The following CCNDBP1 variants were observed in gnomAD, a reference collection of about 807,000 sequenced individuals.
The protein encoded by CCNDBP1 is cyclin-D1-binding protein 1.
Under a neutral mutation model 46.2 loss-of-function variants are expected in CCNDBP1, and 45 were observed. The ratio of observed to expected loss-of-function variants is 0.97; its 90% CI spans 0.77 to 1.25. CCNDBP1 has a LOEUF of 1.25. CCNDBP1 is among the 50% of genes most tolerant of loss of function. The probability of loss-of-function intolerance (pLI) is 0.00; values close to 1 mark genes in which losing one functional copy is unlikely to be tolerated. For missense variants in CCNDBP1, 436 were observed against 442.1 expected, an observed-to-expected ratio of 0.99 and a Z score of 0.12; for synonymous variants, 154 against 163.6, an observed-to-expected ratio of 0.94 and a Z score of 0.45.
chr15:43,185,810 CA>C lies in CCNDBP1; in HGVS notation c.110-9del, dbSNP rs2041812156. ...GCCACCGTTCGGCCCCCACACGCCA[CA>C]CCCACAAGTCGGCGAAGCCCAGGAG... On this transcript the variant is annotated splice_polypyrimidine_tract_variant and intron_variant, in intron 1 of 10. Transcript: ENST00000300213. 1 of 1,610,224 alleles carries C rather than the reference CA, an allele frequency of 6.2e-7. No individual in the cohort carries two copies. The highest frequency in any genetic ancestry group is 8.5e-7 in the Non-Finnish European group (1 of 1,179,858).
chr15:43,193,966 T>C (rs998838515), intron 9 of CCNDBP1: 8 of 299,836 alleles, frequency 2.7e-5, no homozygotes, highest in Non-Finnish European at 5.1e-5. Flanking sequence ...GTACTGCATA[T>C]GCATCTTATA....
intron 7 of CCNDBP1, 95 bp from the exon 8 acceptor site, chr15:43,191,300 G>T: frequency 7.6e-7 from 1 of 1,320,106 alleles, no homozygotes; most frequent in Non-Finnish European, 1.0e-6. Flanking sequence ...AAGATTTTTG[G>T]ACAACTAAGA....
chr15:43,189,421 T>G lies in CCNDBP1; in HGVS notation c.331+141T>G, dbSNP rs114395814. The G allele has an allele frequency of 2.4e-3, 1,321 of 554,030 alleles. 19 individuals carry two copies. The highest frequency in any genetic ancestry group is 0.023 in the African/African-American group (1,186 of 51,782). 34.3% of individuals were successfully genotyped at this position (554,030 alleles called of 1,614,324 possible). A position where few individuals can be genotyped will look rare whatever the true frequency, so the allele number is the denominator to read the frequency against. On this transcript the variant is annotated intron_variant, in intron 4 of 10. Transcript: ENST00000300213. Reference sequence around the variant, plus strand: ...GTGAAGGATAATTTTGTAATGTAAGTGACTTATATAAACAAGCCATTATTC... The same window carrying G: ...GTGAAGGATAATTTTGTAATGTAAGGGACTTATATAAACAAGCCATTATTC...
At position 43,195,641 on chromosome 15, in the gene CCNDBP1, T is replaced by G. The variant is rs2042029881; in HGVS notation, c.*800T>G. The stretch of plus-strand genomic sequence containing the variant: ...ATCCTTTTGCAAAACCATCACCACT[T>G]AATTATACTTTTGCATCAGTCTAGA... On this transcript the variant is annotated 3_prime_UTR_variant, in exon 11 of 11. Transcript: ENST00000300213. 2.6e-5 allele frequency: 4 copies of G among 152,230 alleles called. No individual in the cohort carries two copies. The highest frequency in any genetic ancestry group is 2.6e-4 in the Admixed American group (4 of 15,284). The allele number at this position is 152,230 out of a possible 1,614,324, so 9.4% of individuals were successfully genotyped here. A position where few individuals can be genotyped will look rare whatever the true frequency, so the allele number is the denominator to read the frequency against.
Position 43,185,410 on chromosome 15 carries a change from C to A in CCNDBP1, c.-89C>A. The A allele has an allele frequency of 1.9e-6, 2 of 1,048,216 alleles. No individual in the cohort carries two copies. The highest frequency in any genetic ancestry group is 1.4e-6 in the Non-Finnish European group (1 of 702,222). 64.9% of individuals were successfully genotyped at this position (1,048,216 alleles called of 1,614,324 possible). Reference sequence around the variant, plus strand: ...TGTTGACGGAAACGAGCCCTTGACGCTGTGGCCCGGAAGTGGAGCGGCTGT... The same window carrying A: ...TGTTGACGGAAACGAGCCCTTGACGATGTGGCCCGGAAGTGGAGCGGCTGT... On this transcript the variant is annotated 5_prime_UTR_variant, in exon 1 of 11. It adds an upstream start codon to the 5' untranslated region. Transcript: ENST00000300213.
At chr15:43,185,966 A>T (rs940756047) in intron 2 of CCNDBP1, 87 bp downstream of exon 2, 7 of 1,355,312 alleles carry the variant, frequency 5.2e-6, no homozygotes, top group African/African-American at 4.3e-5. Context: ...CACGGAGGGG[A>T]CTGCTCTCCC....
intron 4 of CCNDBP1, 177 bp downstream of exon 4, chr15:43,189,457 A>C (rs2041914062): frequency 1.9e-6 from 1 of 518,390 alleles, no homozygotes; most frequent in Non-Finnish European, 3.4e-6. Flanking sequence ...TAAGATACAG[A>C]TGCTTTGTTC....
intron 10 of CCNDBP1, 64 bp from the exon 11 acceptor site, chr15:43,194,663 G>A: frequency 6.1e-6 from 8 of 1,307,984 alleles, no homozygotes. Context: ...GCTCCCTCCT[G>A]AGGATAGGTT....
In CCNDBP1 at chr15:43,190,982, T is replaced by C; in HGVS notation, c.519T>C (p.Ala173=). ...CACTCATAGATAACAAAGCTGCAGC[T>C]CTTTTGATGCTGACCAAGAATGTGG... ...PQIPRDNKAA[A]LLMLTKNVDF... The change falls in exon 7 of 11, where the codon GCT becomes GCC. Residue 173 remains alanine (A), a synonymous_variant. Transcript: ENST00000300213. 1 of 1,614,040 alleles carries C rather than the reference T, an allele frequency of 6.2e-7. No individual in the cohort carries two copies.
intron 9 of CCNDBP1, among the ~76,000 whole-genome samples, chr15:43,193,823 G>A (rs1412778615): frequency 6.6e-6 from 1 of 152,062 alleles, no homozygotes; most frequent in Admixed American, 6.6e-5. Flanking sequence ...AAGTAGAATA[G>A]GATCCTTTTG....
chr15:43,185,468 C>T lies in CCNDBP1; in HGVS notation c.-31C>T. 2 of 1,524,124 alleles carry T rather than the reference C, an allele frequency of 1.3e-6. No homozygotes were observed. Among genetic ancestry groups the T allele is most frequent in the Non-Finnish European group, 1.8e-6 (2 of 1,126,400 alleles). The allele number at this position is 1,524,124 out of a possible 1,614,324, so 94.4% of individuals were successfully genotyped here. Reference sequence around the variant, plus strand: ...CGGCTCCGGCAGTGGCAGCGGAGGCCTGTGTTTGCGGCCTTCGGCAAGCGA... The same window carrying T: ...CGGCTCCGGCAGTGGCAGCGGAGGCTTGTGTTTGCGGCCTTCGGCAAGCGA... On this transcript the variant is annotated 5_prime_UTR_variant, in exon 1 of 11. Transcript: ENST00000300213.
intron 9 of CCNDBP1, chr15:43,193,284 C>T (rs1211492620): frequency 7.8e-6 from 1 of 127,580 alleles, no homozygotes; most frequent in Non-Finnish European, 1.5e-5. Context: ...AGTGAGCCGA[C>T]ATCGCGCCAC....
chr15:43,194,850 G>A lies in CCNDBP1; in HGVS notation c.*9G>A, dbSNP rs1274495468. On this transcript the variant is annotated 3_prime_UTR_variant, in exon 11 of 11. Coordinates refer to ENST00000300213, the MANE Select transcript of CCNDBP1 (RefSeq NM_012142.5). ...GTGAACTTGAATTATGACTTTTCAG[G>A]CTCATTTGTACTCTCTTCCCCTCTC... 1 of 1,541,474 alleles carries A rather than the reference G, an allele frequency of 6.5e-7. No homozygotes were observed. The highest frequency in any genetic ancestry group is 1.1e-5 in the South Asian group (1 of 89,498).
At chr15:43,185,659 G>T in intron 1 of CCNDBP1, 52 bp downstream of exon 1, 1 of 1,403,096 alleles carries the variant, frequency 7.1e-7, no homozygotes. Context: ...TCGGGGTCGG[G>T]GAGAGGCCGG....
chr15:43,192,534 T>A (rs1006562122), intron 8 of CCNDBP1, among the ~76,000 whole-genome samples: 1 of 152,286 alleles, frequency 6.6e-6, no homozygotes, highest in Admixed American at 6.5e-5. Flanking sequence ...ACCAAGGGAA[T>A]TTCCCCCCCA....
At chr15:43,185,960 G>T in intron 2 of CCNDBP1, 81 bp downstream of exon 2, 2 of 1,367,492 alleles carry the variant, frequency 1.5e-6, no homozygotes, top group Non-Finnish European at 2.0e-6. Context: ...GTCCCCCACG[G>T]AGGGGACTGC....
intron 3 of CCNDBP1, 68 bp from the exon 4 acceptor site, chr15:43,189,131 G>T: frequency 4.8e-5 from 15 of 312,458 alleles, no homozygotes; most frequent in South Asian, 6.0e-5. Context: ...AAAAAGAAAA[G>T]AAATATCTGC....
Position 43,185,433 on chromosome 15 carries a change from T to C in CCNDBP1, c.-66T>C. ...CGCTGTGGCCCGGAAGTGGAGCGGC[T>C]GTCGCAGTGCGGCTCCGGCAGTGGC... On this transcript the variant is annotated 5_prime_UTR_variant, in exon 1 of 11. Transcript: ENST00000300213. 2 of 1,241,614 alleles carry C rather than the reference T, an allele frequency of 1.6e-6. No individual in the cohort carries two copies. The highest frequency in any genetic ancestry group is 1.3e-5 in the South Asian group (1 of 78,264). 76.9% of individuals were successfully genotyped at this position (1,241,614 alleles called of 1,614,324 possible). A position where few individuals can be genotyped will look rare whatever the true frequency, so the allele number is the denominator to read the frequency against.
At chr15:43,189,857 G>T (rs531900078) in intron 4 of CCNDBP1, 198 bp from the exon 5 acceptor site, 1 of 550,694 alleles carries the variant, frequency 1.8e-6, no homozygotes, top group Non-Finnish European at 3.2e-6. Flanking sequence ...AATCTCTTTT[G>T]AAGAAAACAC....
Sources: gnomAD v4.1 joint callset for allele counts (sites outside exome capture counted in the v4.1 genomes callset) on GRCh38, gnomAD v4.1.1 for gene constraint, MANE v1.5 for transcripts, NCBI Gene and HGNC (gene_info 2026-07-23, HGNC 2026-07-21) for gene names.